The following NUP155 variants were observed in gnomAD, a reference collection of about 807,000 sequenced individuals.
NUP155 encodes nuclear pore complex protein Nup155.
NUP155 carries 71 observed loss-of-function variants against 180.4 expected under a neutral mutation model. That is an observed-to-expected ratio of 0.39 (90% CI 0.33 to 0.48). The LOEUF (loss-of-function observed/expected upper bound fraction) is 0.48, where lower values mean the gene tolerates loss of function less well. Among genes scored for constraint, NUP155 ranks in the 20% least tolerant of loss-of-function variants. The pLI is 0.91. For missense variants in NUP155, 1,553 were observed against 1,648.9 expected, an observed-to-expected ratio of 0.94 and a Z score of 1.01; for synonymous variants, 582 against 559.5, an observed-to-expected ratio of 1.04 and a Z score of -0.57.
intron 9 of NUP155, among the ~76,000 whole-genome samples, chr5:37,346,587 G>A (rs1302335141): frequency 6.6e-6 from 1 of 151,768 alleles, no homozygotes; most frequent in Non-Finnish European, 1.5e-5. Context: ...CAGGAGAATC[G>A]CTTGAACCCG....
At chr5:37,346,961 C>T (rs1480415183) in intron 9 of NUP155, among the ~76,000 whole-genome samples, 1 of 152,174 alleles carries the variant, frequency 6.6e-6, no homozygotes, top group Non-Finnish European at 1.5e-5. Flanking sequence ...GGTGCAGTGG[C>T]TCATGCCTGT....
At chr5:37,353,240 A>C (rs1424285145) in intron 4 of NUP155, among the ~76,000 whole-genome samples, 2 of 151,572 alleles carry the variant, frequency 1.3e-5, no homozygotes, top group African/African-American at 4.9e-5. Flanking sequence ...TAGATGCATT[A>C]AAAAAAATGA....
At chr5:37,302,756 A>T in intron 29 of NUP155, 23 bp downstream of exon 29, 1 of 1,613,178 alleles carries the variant, frequency 6.2e-7, no homozygotes, top group Non-Finnish European at 8.5e-7. Context: ...ATGTGGACAC[A>T]GCTTAAGATC....
intron 32 of NUP155, among the ~76,000 whole-genome samples, chr5:37,295,867 G>C (rs1742519161): frequency 4.0e-5 from 6 of 150,324 alleles, no homozygotes. Flanking sequence ...CCCCGTCCGG[G>C]AGGGAGGTTG....
chr5:37,363,786 G>A, intron 3 of NUP155, 102 bp downstream of exon 3: 1 of 786,666 alleles, frequency 1.3e-6, no homozygotes, highest in Non-Finnish European at 2.3e-6. Flanking sequence ...AAGGCTAGAT[G>A]AATGAAAGAT....
chr5:37,337,767 C>T (rs1279136857), intron 12 of NUP155, 51 bp downstream of exon 12: 2 of 1,099,172 alleles, frequency 1.8e-6, no homozygotes, highest in African/African-American at 3.1e-5. Context: ...CCATATTATC[C>T]TTCACTTAAA....
rs542383405 is a variant in NUP155 at position 37,342,434 on chromosome 5, T to C, written c.1093+115A>G. On this transcript the variant is annotated intron_variant, in intron 10 of 34. Transcript: ENST00000231498. ...AATCCTTTATTTTACAAACTATTTATATGGCTTTACGGCAGATATAGAAGG... is the reference window on the plus strand; with the variant it reads ...AATCCTTTATTTTACAAACTATTTACATGGCTTTACGGCAGATATAGAAGG... 8.9e-6 allele frequency: 6 copies of C among 677,702 alleles called. No individual in the cohort carries two copies. The African/African-American group carries it at 9.1e-5, about 10-fold the overall frequency. The allele number at this position is 677,702 out of a possible 1,614,324, so 42.0% of individuals were successfully genotyped here. A position where few individuals can be genotyped will look rare whatever the true frequency, so the allele number is the denominator to read the frequency against.
In NUP155 at chr5:37,341,187, A is replaced by G. The variant is rs758355519; in HGVS notation, c.1149T>C (p.Asn383=). 8.1e-6 allele frequency: 13 copies of G among 1,614,030 alleles called. No homozygotes were observed. The highest frequency in any genetic ancestry group is 1.1e-5 in the Non-Finnish European group (13 of 1,179,882). ...AGCGGACATGAACCAGCGTCAGTGT[A>G]TTAGGCCGTGCTAATGGCTGTCTGA... ...CPFRQPLARP[N]TLTLVHVRLP... Residue 383 remains asparagine (N), a synonymous_variant, in exon 11 of 35, where the codon AAT becomes AAC. Coordinates refer to ENST00000231498, the MANE Select transcript of NUP155 (RefSeq NM_153485.3).
chr5:37,325,797 T>G (rs1030056774), intron 19 of NUP155, 104 bp downstream of exon 19: 217 of 696,796 alleles, frequency 3.1e-4, no homozygotes, highest in Non-Finnish European at 3.3e-4. Context: ...AAAAATAACC[T>G]TTGCCATCTT....
intron 25 of NUP155, 46 bp from the exon 26 acceptor site, chr5:37,305,256 G>T: frequency 6.5e-7 from 1 of 1,531,288 alleles, no homozygotes; most frequent in South Asian, 1.1e-5. Context: ...TAACTAGAAA[G>T]CAAATGATGG....
chr5:37,311,585 C>T (rs1326487031), intron 22 of NUP155, among the ~76,000 whole-genome samples: 1 of 151,590 alleles, frequency 6.6e-6, no homozygotes, highest in Non-Finnish European at 1.5e-5. Context: ...TGCCTTCCAA[C>T]GTTGAAAAAT....
At chr5:37,361,766 A>G (rs980051890) in intron 3 of NUP155, among the ~76,000 whole-genome samples, 6 of 152,228 alleles carry the variant, frequency 3.9e-5, no homozygotes, top group Non-Finnish European at 8.8e-5. Flanking sequence ...AAATAAGTAC[A>G]TTCTTCAAAT....
At chr5:37,351,821 G>A (rs13156051) in intron 5 of NUP155, among the ~76,000 whole-genome samples, 1 of 151,752 alleles carries the variant, frequency 6.6e-6, no homozygotes, top group East Asian at 1.9e-4. Flanking sequence ...ACTAAAAGAA[G>A]TCTGATACAA....
chr5:37,315,388 T>G (rs114660614), intron 21 of NUP155, among the ~76,000 whole-genome samples: 1,590 of 152,360 alleles, frequency 0.01, 16 homozygotes, highest in Non-Finnish European at 0.018. Flanking sequence ...CTGAAGATTA[T>G]GAGAACTTTT....
At position 37,289,132 on chromosome 5, in the gene NUP155, C is replaced by T. The variant is rs925338259; in HGVS notation, c.*2768G>A. 1 of 158,990 alleles carries T rather than the reference C, an allele frequency of 6.3e-6. No individual in the cohort carries two copies. The highest frequency in any genetic ancestry group is 2.4e-5 in the African/African-American group (1 of 41,518). The allele number at this position is 158,990 out of a possible 1,614,324, so 9.8% of individuals were successfully genotyped here. ...TGCACTCCAGCCTGGGCAACAAGAG[C>T]AAAACTCAGTCTCAAACAAACAAAC... On this transcript the variant is annotated 3_prime_UTR_variant, in exon 35 of 35. Coordinates refer to ENST00000231498, the MANE Select transcript of NUP155 (RefSeq NM_153485.3).
intron 18 of NUP155, chr5:37,327,296 T>G: frequency 2.9e-6 from 1 of 339,218 alleles, no homozygotes; most frequent in Non-Finnish European, 5.6e-6. Flanking sequence ...CAGTAGGCTA[T>G]TAGTAATTAA....
At chr5:37,332,359 T>G (rs981799513) in intron 13 of NUP155, among the ~76,000 whole-genome samples, 1 of 139,966 alleles carries the variant, frequency 7.1e-6, no homozygotes, top group African/African-American at 2.7e-5. Flanking sequence ...TCTCGTACTG[T>G]CTCCCAGGCT....
At chr5:37,297,764 T>G (rs1742663373) in intron 32 of NUP155, among the ~76,000 whole-genome samples, 1 of 152,154 alleles carries the variant, frequency 6.6e-6, no homozygotes, top group Non-Finnish European at 1.5e-5. Context: ...TATTTGCTCT[T>G]TTATTTCTCT....
chr5:37,325,163 T>C (rs1581162780), intron 19 of NUP155, among the ~76,000 whole-genome samples: 2 of 151,888 alleles, frequency 1.3e-5, no homozygotes, highest in East Asian at 1.9e-4. Context: ...GCACTCCAGC[T>C]TGGGCAACAA....
Sources: allele counts gnomAD v4.1 joint callset (sites outside exome capture counted in the v4.1 genomes callset), GRCh38; gene constraint gnomAD v4.1.1; transcripts MANE v1.5; gene names NCBI Gene and HGNC (gene_info 2026-07-23, HGNC 2026-07-21).